Variants in ARHGAP26 observed in about 807,000 individuals in gnomAD.
ARHGAP26 encodes the protein Rho GTPase activating protein 26.
A neutral mutation model predicts 104.8 loss-of-function variants in ARHGAP26; 38 were observed. The observed-to-expected ratio is 0.36, with a 90% CI of 0.28 to 0.48. The LOEUF is 0.48. Among genes scored for constraint, ARHGAP26 ranks in the 20% least tolerant of loss-of-function variants. The pLI, the probability that ARHGAP26 is intolerant of heterozygous loss-of-function variation, is 0.99. For missense variants in ARHGAP26, 704 were observed against 947.9 expected (o/e 0.74, Z 3.38); for synonymous variants, 341 against 340.0 (o/e 1.00, Z -0.03).
chr5:143,060,292 T>C (rs1786512433), intron 17 of ARHGAP26, among the ~76,000 whole-genome samples: 1 of 152,244 alleles, frequency 6.6e-6, no homozygotes, highest in Non-Finnish European at 1.5e-5. Flanking sequence ...CTTGTGCATC[T>C]CAGAATTCTG....
chr5:142,941,208 C>G (rs1381137788), intron 11 of ARHGAP26, among the ~76,000 whole-genome samples: 1 of 149,412 alleles, frequency 6.7e-6, no homozygotes, highest in Non-Finnish European at 1.5e-5. Context: ...AATGGTTGAA[C>G]TAATTTACAC....
intron 11 of ARHGAP26, among the ~76,000 whole-genome samples, chr5:143,005,798 G>A (rs966875608): frequency 2.0e-5 from 3 of 152,188 alleles, no homozygotes; most frequent in African/African-American, 7.2e-5. Context: ...CAGCAAGAAC[G>A]CTTCCGGGGC....
chr5:142,928,120 AAAGTAATT>A (rs1358023047), intron 10 of ARHGAP26, among the ~76,000 whole-genome samples: 2 of 152,186 alleles, frequency 1.3e-5, no homozygotes, highest in African/African-American at 4.8e-5. Flanking sequence ...TTTTTAAATA[AAAGTAATT>A]AAGTAATTAA....
At chr5:143,124,747 A>C (rs57706003) in intron 18 of ARHGAP26, among the ~76,000 whole-genome samples, 1 of 152,140 alleles carries the variant, frequency 6.6e-6, no homozygotes, top group Non-Finnish European at 1.5e-5. Context: ...GATTCAAGGC[A>C]GGGGGAGCTA....
rs1413118872 is a variant in ARHGAP26 at position 143,083,124 on chromosome 5, C to CGTCTTCTTCCTTTTTCTTT, written c.1538+25378_1538+25396dup. On this transcript the variant is annotated intron_variant, in intron 17 of 22. Transcript: ENST00000645722. ...AAGCTAGAGCTGGAGACTTTTTCTTCGTCTTCTTCCTTTTTCTTTTTCCCA... is the reference window on the plus strand; with the variant it reads ...AAGCTAGAGCTGGAGACTTTTTCTTCGTCTTCTTCCTTTTTCTTTGTCTTCTTCCTTTTTCTTTTTCCCA... 8.5e-5 allele frequency among the ~76,000 whole-genome samples: 13 copies of CGTCTTCTTCCTTTTTCTTT among 152,290 alleles called. No homozygotes were observed. In the East Asian group the frequency reaches 1.9e-3, roughly 23 times the overall value.
At chr5:143,116,196 C>T (rs1795419613) in intron 17 of ARHGAP26, among the ~76,000 whole-genome samples, 2 of 152,126 alleles carry the variant, frequency 1.3e-5, no homozygotes, top group Admixed American at 1.3e-4. Context: ...TTATATAGGT[C>T]AGATAAATGT....
intron 3 of ARHGAP26, among the ~76,000 whole-genome samples, chr5:142,875,636 C>T (rs184915546): frequency 2.6e-5 from 4 of 152,268 alleles, no homozygotes; most frequent in Admixed American, 2.6e-4. Flanking sequence ...TAAACAGGTA[C>T]TTTGTAATGA....
chr5:142,880,246 G>T (rs1015907402), intron 4 of ARHGAP26, among the ~76,000 whole-genome samples: 1 of 152,184 alleles, frequency 6.6e-6, no homozygotes, highest in Non-Finnish European at 1.5e-5. Flanking sequence ...AGGGCTGGGC[G>T]CAGTGGCTCA....
At chr5:143,119,309 C>T (rs770032107) in intron 17 of ARHGAP26, among the ~76,000 whole-genome samples, 4 of 152,142 alleles carry the variant, frequency 2.6e-5, no homozygotes, top group Non-Finnish European at 4.4e-5. Flanking sequence ...CACTTGCACA[C>T]GGGACTTTTG....
intron 6 of ARHGAP26, among the ~76,000 whole-genome samples, chr5:142,898,856 G>A (rs1309984222): frequency 2.0e-5 from 3 of 152,170 alleles, no homozygotes; most frequent in African/African-American, 7.2e-5. Flanking sequence ...AGCTGTATTA[G>A]TTTGCTAGGG....
At chr5:142,900,205 G>A (rs7723834) in intron 6 of ARHGAP26, among the ~76,000 whole-genome samples, 2,267 of 152,298 alleles carry the variant, frequency 0.015, 65 homozygotes, top group African/African-American at 0.052. Flanking sequence ...TAAAAGGAAA[G>A]GTATGGGTCT....
chr5:142,796,790 T>C (rs192219283), intron 1 of ARHGAP26, among the ~76,000 whole-genome samples: 22 of 152,352 alleles, frequency 1.4e-4, no homozygotes, highest in Non-Finnish European at 2.8e-4. Flanking sequence ...TTTCCCAGCA[T>C]CAGTCCACTG....
Position 142,846,125 on chromosome 5 carries a change from C to T in ARHGAP26, c.155-27275C>T, listed in dbSNP as rs948254248. ...GGGCAGTGTACTGCAGCGTTTGGGT[C>T]TCTGTATCACCATTGTCTGCTCACA... is the stretch of plus-strand genomic sequence containing the variant. On this transcript the variant is annotated intron_variant, in intron 1 of 22. Coordinates refer to ENST00000645722, the MANE Select transcript of ARHGAP26 (RefSeq NM_001135608.3). Among the ~76,000 whole-genome samples the T allele has an allele frequency of 6.6e-5, 10 of 152,210 alleles. No individual in the cohort carries two copies. The East Asian group carries it at 1.7e-3, about 26-fold the overall frequency.
intron 20 of ARHGAP26, chr5:143,168,468 T>TTTTTTTTTTTTTTTTTTTTTC (rs1802339375): frequency 7.2e-6 from 1 of 139,378 alleles, no homozygotes; most frequent in African/African-American, 2.6e-5. Context: ...TTTTTTTTTT[T>TTTTTTTTTTTTTTTTTTTTTC]TTTTTTTTGC....
chr5:142,796,094 C>T (rs951974157), intron 1 of ARHGAP26, among the ~76,000 whole-genome samples: 9 of 132,912 alleles, frequency 6.8e-5, no homozygotes, highest in East Asian at 2.2e-4. Context: ...GTGTGTGTTA[C>T]GTCTCTCCTA....
chr5:142,777,563 G>A (rs1465294435), intron 1 of ARHGAP26, among the ~76,000 whole-genome samples: 3 of 152,190 alleles, frequency 2.0e-5, no homozygotes, highest in South Asian at 2.1e-4. Flanking sequence ...AGTGAGCCTC[G>A]TTTTACCTTT....
At chr5:143,158,509 C>T (rs3776260) in intron 20 of ARHGAP26, among the ~76,000 whole-genome samples, 1 of 152,172 alleles carries the variant, frequency 6.6e-6, no homozygotes, top group East Asian at 1.9e-4. Flanking sequence ...GAATTCCTCT[C>T]CAGCCTAGGA....
At chr5:142,791,147 C>T (rs1479623123) in intron 1 of ARHGAP26, among the ~76,000 whole-genome samples, 1 of 150,484 alleles carries the variant, frequency 6.6e-6, no homozygotes, top group Non-Finnish European at 1.5e-5. Flanking sequence ...GGCACGATCT[C>T]GGCTTACTGC....
intron 11 of ARHGAP26, among the ~76,000 whole-genome samples, chr5:142,991,620 T>A (rs534323285): frequency 5.3e-5 from 8 of 152,318 alleles, no homozygotes; most frequent in African/African-American, 1.7e-4. Context: ...TATACCATAT[T>A]TTTACTGTAC....
Sources: allele counts gnomAD v4.1 joint callset (sites outside exome capture counted in the v4.1 genomes callset), GRCh38; gene constraint gnomAD v4.1.1; transcripts MANE v1.5; gene names NCBI Gene and HGNC (gene_info 2026-07-23, HGNC 2026-07-21).